Variants in NEK11 observed in about 807,000 individuals in gnomAD.
NEK11 encodes NIMA related kinase 11, also known as serine/threonine-protein kinase Nek11.
In NEK11, 72 loss-of-function variants were observed where a neutral mutation model predicts 80.7. That is an observed-to-expected ratio of 0.89 (90% confidence interval 0.74 to 1.08). NEK11 has a LOEUF of 1.08. Among genes scored for constraint, NEK11 ranks in the 50% least tolerant of loss-of-function variants. The pLI, the probability that NEK11 is intolerant of heterozygous loss-of-function variation, is 0.00. For synonymous variants in NEK11, 251 were observed against 260.7 expected (o/e 0.96, Z 0.36); for missense variants, 764 against 763.6 (o/e 1.00, Z -0.01).
At chr3:131,332,368 G>A (rs2097105326) in intron 17 of NEK11, among the ~76,000 whole-genome samples, 1 of 152,212 alleles carries the variant, frequency 6.6e-6, no homozygotes, top group Non-Finnish European at 1.5e-5. Flanking sequence ...GTCTGGAGTG[G>A]ACCTCTAGCA....
intron 14 of NEK11, among the ~76,000 whole-genome samples, chr3:131,206,177 C>T (rs1162450315): frequency 1.3e-5 from 2 of 152,076 alleles, no homozygotes; most frequent in East Asian, 3.8e-4. Flanking sequence ...GTGTCTTCAC[C>T]CAAATAGTCA....
intron 4 of NEK11, among the ~76,000 whole-genome samples, chr3:131,098,063 C>T (rs1445802455): frequency 6.8e-6 from 1 of 146,868 alleles, no homozygotes; most frequent in Non-Finnish European, 1.5e-5. Flanking sequence ...GAAAGGATTC[C>T]CTATTTAATA....
chr3:131,264,590 G>T (rs1420610096), intron 16 of NEK11, among the ~76,000 whole-genome samples: 1 of 152,194 alleles, frequency 6.6e-6, no homozygotes, highest in Non-Finnish European at 1.5e-5. Flanking sequence ...TTTGGGACCA[G>T]TACCATGCTG....
In NEK11 at chr3:131,252,223, G is replaced by C. The variant is rs554494612; in HGVS notation, c.1621+8727G>C. 4.6e-5 allele frequency among the ~76,000 whole-genome samples: 7 copies of C among 152,214 alleles called. No homozygotes were observed. In the South Asian group the frequency reaches 1.5e-3, roughly 32 times the overall value. Reference sequence around the variant, plus strand: ...TTTTTCACTTCAAAATGAAACCTCTGTGAATTGAACTAGGCTTTACTCATG... The same window carrying C: ...TTTTTCACTTCAAAATGAAACCTCTCTGAATTGAACTAGGCTTTACTCATG... On this transcript the variant is annotated intron_variant, in intron 16 of 17. Coordinates refer to ENST00000383366, the MANE Select transcript of NEK11 (RefSeq NM_024800.5).
chr3:131,270,376 C>A (rs2096158257), intron 16 of NEK11, among the ~76,000 whole-genome samples: 1 of 152,130 alleles, frequency 6.6e-6, no homozygotes, highest in Non-Finnish European at 1.5e-5. Flanking sequence ...AACGTAGAAT[C>A]CCAAGCCCTA....
intron 5 of NEK11, among the ~76,000 whole-genome samples, chr3:131,128,123 A>G (rs2083692094): frequency 6.6e-6 from 1 of 152,178 alleles, no homozygotes; most frequent in Non-Finnish European, 1.5e-5. Flanking sequence ...CATTGCTACC[A>G]GTCATACATT....
At chr3:131,065,907 G>A (rs894435364) in intron 3 of NEK11, among the ~76,000 whole-genome samples, 1 of 152,128 alleles carries the variant, frequency 6.6e-6, no homozygotes, top group Non-Finnish European at 1.5e-5. Flanking sequence ...AAATGTAAGT[G>A]AGGATATTGT....
intron 16 of NEK11, among the ~76,000 whole-genome samples, chr3:131,260,628 C>T (rs979779131): frequency 3.3e-5 from 5 of 152,098 alleles, no homozygotes; most frequent in African/African-American, 1.2e-4. Context: ...TATTTACTAC[C>T]CGCCCCTTTA....
At position 131,109,934 on chromosome 3, in the gene NEK11, G is replaced by C. The variant is rs1474388049; in HGVS notation, c.455+13G>C. On this transcript the variant is annotated intron_variant, in intron 5 of 17. Coordinates refer to ENST00000383366, the MANE Select transcript of NEK11 (RefSeq NM_024800.5). Reference sequence around the variant, plus strand: ...ACATGCATGAGAGGTATGTTCATTTGCTACTGGGGGAGCATGATATATTTT... The same window carrying C: ...ACATGCATGAGAGGTATGTTCATTTCCTACTGGGGGAGCATGATATATTTT... 1 of 1,580,394 alleles carries C rather than the reference G, an allele frequency of 6.3e-7. No homozygotes were observed. The highest frequency in any genetic ancestry group is 8.6e-7 in the Non-Finnish European group (1 of 1,168,168).
chr3:131,237,395 A>G (rs2095448109), intron 15 of NEK11, among the ~76,000 whole-genome samples: 1 of 152,198 alleles, frequency 6.6e-6, no homozygotes, highest in South Asian at 2.1e-4. Context: ...TCATTTATGC[A>G]TCACATATTT....
chr3:131,335,022 C>A (rs1232308994), intron 17 of NEK11, among the ~76,000 whole-genome samples: 1 of 152,148 alleles, frequency 6.6e-6, no homozygotes, highest in East Asian at 1.9e-4. Context: ...GGATTCACAG[C>A]CGAATTCTAC....
intron 4 of NEK11, among the ~76,000 whole-genome samples, chr3:131,100,457 C>T (rs2078200431): frequency 6.6e-6 from 1 of 152,060 alleles, no homozygotes; most frequent in African/African-American, 2.4e-5. Context: ...TAGCTGGTGG[C>T]TACTCAGGAG....
At chr3:131,136,529 ATGCTTAAAGGAGAATT>A (rs982950620) in intron 7 of NEK11, among the ~76,000 whole-genome samples, 5 of 152,154 alleles carry the variant, frequency 3.3e-5, no homozygotes, top group Admixed American at 6.6e-5. Context: ...TATATTTATA[ATGCTTAAAGGAGAATT>A]TGCTTAAAGG....
intron 7 of NEK11, chr3:131,134,218 C>T (rs1024483536): frequency 4.0e-5 from 12 of 298,168 alleles, no homozygotes; most frequent in African/African-American, 2.6e-4. Context: ...TCTTAATGTA[C>T]CATAAGCATT....
At chr3:131,058,597 A>G (rs1485900143) in intron 3 of NEK11, among the ~76,000 whole-genome samples, 1 of 152,272 alleles carries the variant, frequency 6.6e-6, no homozygotes, top group African/African-American at 2.4e-5. Context: ...TTTTATGTAA[A>G]TACAACCCAT....
At chr3:131,348,903 G>C (rs920575309) in intron 17 of NEK11, among the ~76,000 whole-genome samples, 1 of 151,962 alleles carries the variant, frequency 6.6e-6, no homozygotes, top group Non-Finnish European at 1.5e-5. Flanking sequence ...AGTAGAAAAG[G>C]ACCTGGCAAG....
intron 13 of NEK11, among the ~76,000 whole-genome samples, chr3:131,170,310 T>C (rs1431674042): frequency 6.6e-6 from 1 of 152,218 alleles, no homozygotes; most frequent in East Asian, 1.9e-4. Flanking sequence ...CTTTTTCTTT[T>C]AGGAAATTGG....
intron 17 of NEK11, among the ~76,000 whole-genome samples, chr3:131,296,383 G>A (rs961556487): frequency 4.6e-5 from 7 of 152,094 alleles, no homozygotes; most frequent in Admixed American, 3.9e-4. Flanking sequence ...ATAAAAGTCT[G>A]TAAAACCTAC....
intron 17 of NEK11, among the ~76,000 whole-genome samples, chr3:131,296,056 G>T (rs983869302): frequency 6.6e-6 from 1 of 151,970 alleles, no homozygotes; most frequent in African/African-American, 2.4e-5. Flanking sequence ...GTCCAACCTG[G>T]TCTTGAACTC....
Sources: allele counts gnomAD v4.1 joint callset (sites outside exome capture counted in the v4.1 genomes callset), GRCh38; gene constraint gnomAD v4.1.1; transcripts MANE v1.5; gene names NCBI Gene and HGNC (gene_info 2026-07-23, HGNC 2026-07-21).